Variants in PHACTR4 observed in about 807,000 individuals in gnomAD.
PHACTR4 encodes phosphatase and actin regulator 4, also known as protein phosphatase 1, regulatory subunit 124.
A neutral mutation model predicts 72.7 loss-of-function variants in PHACTR4; 51 were observed. The observed-to-expected ratio is 0.70, with a 90% CI of 0.56 to 0.89. PHACTR4 has a LOEUF of 0.89. Among genes scored for constraint, PHACTR4 ranks in the 40% least tolerant of loss-of-function variants. The pLI is 0.00. For synonymous variants in PHACTR4, 255 were observed against 302.5 expected (o/e 0.84, Z 1.63); for missense variants, 731 against 861.8 (o/e 0.85, Z 1.90).
intron 1 of PHACTR4, among the ~76,000 whole-genome samples, chr1:28,371,617 G>T (rs528181404): frequency 6.6e-6 from 1 of 151,270 alleles, no homozygotes; most frequent in Admixed American, 6.6e-5. Flanking sequence ...TTTATTTTTT[G>T]AAATAGGGTC....
chr1:28,493,199 T>C, intron 13 of PHACTR4, 108 bp downstream of exon 13: 1 of 939,672 alleles, frequency 1.1e-6, no homozygotes. Flanking sequence ...ACACTCAGTG[T>C]TGATTGCAAG....
chr1:28,372,239 A>G lies in PHACTR4; in HGVS notation c.-39+2414A>G, dbSNP rs528180089. On this transcript the variant is annotated intron_variant, in intron 1 of 13. Transcript: ENST00000373839. ...AATAACCCTTTTGAAAAATAGGTTA[A>G]TTCGTGTTTCAAGTCTCTGGGATGA... Among the ~76,000 whole-genome samples the G allele has an allele frequency of 2.0e-5, 3 of 152,224 alleles. No individual in the cohort carries two copies. In the South Asian group the frequency reaches 6.2e-4, roughly 32 times the overall value.
At chr1:28,475,729 C>CTT (rs71672836) in intron 7 of PHACTR4, among the ~76,000 whole-genome samples, 39,052 of 135,150 alleles carry the variant, frequency 0.29, 5,949 homozygotes, top group Middle Eastern at 0.35. Flanking sequence ...AGTCCTTTGT[C>CTT]TTTTTTTTTT....
At chr1:28,477,178 C>CGG (rs1557842064) in intron 8 of PHACTR4, among the ~76,000 whole-genome samples, 1 of 151,446 alleles carries the variant, frequency 6.6e-6, no homozygotes, top group Non-Finnish European at 1.5e-5. Context: ...CTCCACCTCC[C>CGG]GGGTTCAAGC....
At chr1:28,480,051 C>T (rs959684661) in intron 8 of PHACTR4, among the ~76,000 whole-genome samples, 2 of 152,206 alleles carry the variant, frequency 1.3e-5, no homozygotes, top group Admixed American at 6.5e-5. Flanking sequence ...ACCCTCACAT[C>T]TTTGCAAATA....
chr1:28,487,000 C>CA (rs1174098665), intron 9 of PHACTR4, among the ~76,000 whole-genome samples: 5 of 151,742 alleles, frequency 3.3e-5, no homozygotes. Flanking sequence ...CCATCACTAC[C>CA]AAAAATAAAA....
intron 4 of PHACTR4, among the ~76,000 whole-genome samples, chr1:28,463,195 G>T (rs75646449): frequency 6.8e-6 from 1 of 147,080 alleles, no homozygotes; most frequent in Non-Finnish European, 1.5e-5. Context: ...GTGAGACCCT[G>T]TTTTTTTTTT....
chr1:28,480,556 A>C lies in PHACTR4; in HGVS notation c.1712A>C (p.Lys571Thr). Residue 571 changes from lysine to threonine, a missense_variant, in exon 9 of 14, where the codon AAG becomes ACG. Physicochemically the swap from Lys to Thr is moderately conservative, Grantham distance 78. Transcript: ENST00000373839. ...LNLNSWPCKS[K>T]EEWNEIRHQI... Reference sequence around the variant, plus strand: ...CTGAATTCTTGGCCTTGTAAAAGCAAGGAGGAGTGGAATGAAATACGGCAC... The same window carrying C: ...CTGAATTCTTGGCCTTGTAAAAGCACGGAGGAGTGGAATGAAATACGGCAC... 6.2e-7 allele frequency: 1 copy of C among 1,614,200 alleles called. No individual in the cohort carries two copies. Among genetic ancestry groups the C allele is most frequent in the Non-Finnish European group, 8.5e-7 (1 of 1,180,024 alleles).
chr1:28,431,200 T>C (rs1199266951), intron 2 of PHACTR4, among the ~76,000 whole-genome samples: 1 of 128,896 alleles, frequency 7.8e-6, no homozygotes, highest in Admixed American at 7.8e-5. Flanking sequence ...AACCAAAATA[T>C]ATATATATAT....
At chr1:28,397,453 T>G (rs373507703) in intron 1 of PHACTR4, among the ~76,000 whole-genome samples, 2 of 152,310 alleles carry the variant, frequency 1.3e-5, no homozygotes, top group Admixed American at 6.5e-5. Context: ...TAAACTTTTG[T>G]TCTTTTGATT....
At chr1:28,448,290 T>C (rs534050809) in intron 2 of PHACTR4, among the ~76,000 whole-genome samples, 1 of 151,672 alleles carries the variant, frequency 6.6e-6, no homozygotes, top group Middle Eastern at 3.4e-3. Context: ...TCGAAGCGGA[T>C]AGATCACTGT....
Position 28,479,577 on chromosome 1 carries a change from C to T in PHACTR4, c.1607-874C>T, listed in dbSNP as rs568293389. 2.8e-3 allele frequency among the ~76,000 whole-genome samples: 381 copies of T among 136,628 alleles called. 18 individuals carry two copies. In the South Asian group the frequency reaches 0.084, roughly 30 times the overall value. 89.6% of individuals were successfully genotyped at this position (136,628 alleles called of 152,430 possible). Reference sequence around the variant, plus strand: ...CAACCTGGGCAACAGAGCAAGACTCCGCCTCAGAAAAAAAAAAAAAAAAAG... The same window carrying T: ...CAACCTGGGCAACAGAGCAAGACTCTGCCTCAGAAAAAAAAAAAAAAAAAG... On this transcript the variant is annotated intron_variant, in intron 8 of 13. Transcript: ENST00000373839.
chr1:28,382,428 C>T (rs866283509), intron 1 of PHACTR4, among the ~76,000 whole-genome samples: 5 of 151,828 alleles, frequency 3.3e-5, no homozygotes, highest in African/African-American at 4.8e-5. Flanking sequence ...CTCAGCCTCC[C>T]GAGTAGCTGG....
intron 7 of PHACTR4, among the ~76,000 whole-genome samples, chr1:28,474,357 C>T (rs1020837105): frequency 1.3e-5 from 2 of 151,862 alleles, no homozygotes; most frequent in African/African-American, 2.4e-5. Context: ...AACCCTGTCT[C>T]GATGAAAATA....
At chr1:28,475,156 G>T (rs1370273408) in intron 7 of PHACTR4, among the ~76,000 whole-genome samples, 1 of 151,960 alleles carries the variant, frequency 6.6e-6, no homozygotes, top group Non-Finnish European at 1.5e-5. Flanking sequence ...TTGCCATGTT[G>T]CCCAGGCTCA....
chr1:28,459,399 T>TC, intron 3 of PHACTR4, 141 bp downstream of exon 3: 1 of 465,246 alleles, frequency 2.1e-6, no homozygotes, highest in Non-Finnish European at 3.3e-6. Context: ...CTTCTTCTTT[T>TC]TTTTTTTTTT....
chr1:28,489,285 T>G, intron 10 of PHACTR4, 60 bp downstream of exon 10: 1 of 1,426,418 alleles, frequency 7.0e-7, no homozygotes, highest in Non-Finnish European at 9.7e-7. Flanking sequence ...CTGACTTTAA[T>G]ATACATAAAA....
intron 2 of PHACTR4, among the ~76,000 whole-genome samples, chr1:28,415,267 A>T (rs1655035249): frequency 6.9e-6 from 1 of 145,004 alleles, no homozygotes. Context: ...TCTCAAAAAA[A>T]AAAAAAAGAG....
chr1:28,412,145 T>C (rs1184289674), intron 2 of PHACTR4, among the ~76,000 whole-genome samples: 1 of 152,208 alleles, frequency 6.6e-6, no homozygotes, highest in African/African-American at 2.4e-5. Flanking sequence ...TCATTCTGGA[T>C]GTAAATTTTC....
Sources: allele counts gnomAD v4.1 joint callset (sites outside exome capture counted in the v4.1 genomes callset), GRCh38; gene constraint gnomAD v4.1.1; transcripts MANE v1.5; gene names NCBI Gene and HGNC (gene_info 2026-07-23, HGNC 2026-07-21).